STIM1: variants seen among roughly 807,000 people sequenced by gnomAD.
STIM1 encodes stromal interaction molecule 1.
STIM1 carries 25 observed loss-of-function variants against 74.7 expected under a neutral mutation model. That is an observed-to-expected ratio of 0.33 (90% CI 0.24 to 0.47). The LOEUF (loss-of-function observed/expected upper bound fraction) is 0.47, where lower values mean the gene tolerates loss of function less well. STIM1 is among the 20% of genes least tolerant of loss of function. The probability of loss-of-function intolerance (pLI) is 1.00; values close to 1 mark genes in which losing one functional copy is unlikely to be tolerated. For missense variants in STIM1, 728 were observed against 920.8 expected (o/e 0.79, Z 2.71); for synonymous variants, 328 against 348.8 (o/e 0.94, Z 0.66).
chr11:3,862,183 GA>G (rs2090639343), intron 1 of STIM1, among the ~76,000 whole-genome samples: 1 of 152,068 alleles, frequency 6.6e-6, no homozygotes, highest in Admixed American at 6.6e-5. Flanking sequence ...AAATGACTTT[GA>G]AAAAAATTGT....
intron 2 of STIM1, among the ~76,000 whole-genome samples, 153 bp from the exon 3 acceptor site, chr11:4,023,720 G>T (rs990071778): frequency 1.3e-5 from 2 of 152,214 alleles, no homozygotes; most frequent in Non-Finnish European, 2.9e-5. Flanking sequence ...ACTAAGACAT[G>T]TGCATAAGGA....
chr11:3,865,736 C>A (rs1227471236), intron 1 of STIM1, among the ~76,000 whole-genome samples: 1 of 152,130 alleles, frequency 6.6e-6, no homozygotes, highest in East Asian at 1.9e-4. Flanking sequence ...TCAGCTGGCT[C>A]CATTATGGAT....
rs555193679 is a variant in STIM1 at position 3,862,693 on chromosome 11, G to A, written c.139+6284G>A. Among the ~76,000 whole-genome samples the A allele has an allele frequency of 8.2e-4, 125 of 152,010 alleles. 1 individual carries two copies. The highest frequency in any genetic ancestry group is 1.4e-3 in the Non-Finnish European group (98 of 67,970). On this transcript the variant is annotated intron_variant, in intron 1 of 12. Coordinates refer to ENST00000526596, the MANE Select transcript of STIM1 (RefSeq NM_001382567.1). ...GATCTCCTGACCTCGTGATCTGTCC[G>A]CCTTGGCCTCCCAAAGTGTTTGGAT...
intron 1 of STIM1, among the ~76,000 whole-genome samples, chr11:3,908,718 TG>T (rs1186660086): frequency 6.6e-6 from 1 of 152,162 alleles, no homozygotes; most frequent in African/African-American, 2.4e-5. Context: ...TATAGAAAGA[TG>T]GCTTATGGCT....
At chr11:4,018,295 A>AC (rs1485192273) in intron 2 of STIM1, among the ~76,000 whole-genome samples, 1 of 149,910 alleles carries the variant, frequency 6.7e-6, no homozygotes, top group Non-Finnish European at 1.5e-5. Context: ...TAAAAATACA[A>AC]AAAAAAATTA....
At chr11:3,946,756 C>A (rs191450182) in intron 1 of STIM1, among the ~76,000 whole-genome samples, 23 of 152,290 alleles carry the variant, frequency 1.5e-4, no homozygotes, top group Admixed American at 1.2e-3. Context: ...CTACCCACAT[C>A]GCTCCAGGTA....
intron 1 of STIM1, among the ~76,000 whole-genome samples, chr11:3,902,629 G>A (rs958022471): frequency 2.1e-4 from 32 of 152,192 alleles, no homozygotes; most frequent in Non-Finnish European, 3.5e-4. Context: ...CTTGCCTGCC[G>A]CTCACCTCCT....
At chr11:3,970,008 G>A (rs984881628) in intron 2 of STIM1, among the ~76,000 whole-genome samples, 3 of 152,108 alleles carry the variant, frequency 2.0e-5, no homozygotes, top group Admixed American at 6.5e-5. Context: ...CTGGGGAATG[G>A]ATGAAGAAGG....
intron 1 of STIM1, among the ~76,000 whole-genome samples, chr11:3,894,517 T>G (rs1235469622): frequency 6.6e-6 from 1 of 152,154 alleles, no homozygotes; most frequent in Non-Finnish European, 1.5e-5. Flanking sequence ...CTAGACGCTC[T>G]TAGCAGAGCA....
At chr11:3,977,986 C>T (rs1590617938) in intron 2 of STIM1, among the ~76,000 whole-genome samples, 1 of 152,050 alleles carries the variant, frequency 6.6e-6, no homozygotes, top group East Asian at 1.9e-4. Context: ...CAGCAGTGTG[C>T]CTAACTTGAC....
intron 3 of STIM1, among the ~76,000 whole-genome samples, chr11:4,049,049 A>G (rs1276988976): frequency 6.6e-6 from 1 of 152,154 alleles, no homozygotes; most frequent in Non-Finnish European, 1.5e-5. Context: ...ATTATTTTAA[A>G]AGGGTACTTT....
intron 1 of STIM1, among the ~76,000 whole-genome samples, chr11:3,953,852 A>G (rs1388788572): frequency 6.8e-6 from 1 of 147,848 alleles, no homozygotes; most frequent in Non-Finnish European, 1.5e-5. Flanking sequence ...ACATGCTCAC[A>G]GCTCACTGCA....
In STIM1 at chr11:3,856,027, T is replaced by C; in HGVS notation, c.-244T>C. ...CGAAGTCTCCGGAAGCGGCACGAGC[T>C]CAGGCCGCCGCAGCCCCGGCGGACC... On this transcript the variant is annotated 5_prime_UTR_variant, in exon 1 of 13. Coordinates refer to ENST00000526596, the MANE Select transcript of STIM1 (RefSeq NM_001382567.1). 1 of 553,914 alleles carries C rather than the reference T, an allele frequency of 1.8e-6. No homozygotes were observed. The allele number at this position is 553,914 out of a possible 1,614,324, so 34.3% of individuals were successfully genotyped here.
At chr11:3,941,335 A>G (rs1350764093) in intron 1 of STIM1, among the ~76,000 whole-genome samples, 1 of 152,186 alleles carries the variant, frequency 6.6e-6, no homozygotes, top group Admixed American at 6.5e-5. Context: ...GATATTAAAC[A>G]AAACAGATCT....
intron 1 of STIM1, among the ~76,000 whole-genome samples, chr11:3,918,698 G>T (rs889721910): frequency 2.0e-5 from 3 of 152,176 alleles, no homozygotes; most frequent in Admixed American, 2.0e-4. Flanking sequence ...GGCCAACAGA[G>T]TTCCATTCTA....
chr11:4,001,465 A>G (rs1258002351), intron 2 of STIM1, among the ~76,000 whole-genome samples: 2 of 152,192 alleles, frequency 1.3e-5, no homozygotes, highest in Non-Finnish European at 2.9e-5. Context: ...TTCAACCCAG[A>G]ATTTCATATC....
At chr11:3,904,096 C>G (rs1435399207) in intron 1 of STIM1, among the ~76,000 whole-genome samples, 1 of 147,186 alleles carries the variant, frequency 6.8e-6, no homozygotes, top group African/African-American at 2.5e-5. Context: ...AGACAGGAGG[C>G]TGAGGCAGGA....
At chr11:4,033,197 G>T (rs368537698) in intron 3 of STIM1, among the ~76,000 whole-genome samples, 1 of 151,920 alleles carries the variant, frequency 6.6e-6, no homozygotes, top group African/African-American at 2.4e-5. Context: ...TGAGGGCTCT[G>T]TTCTGTTCCA....
intron 2 of STIM1, among the ~76,000 whole-genome samples, chr11:4,018,179 G>C (rs1416770525): frequency 6.6e-6 from 1 of 151,736 alleles, no homozygotes; most frequent in Non-Finnish European, 1.5e-5. Context: ...GCTGGGCGCG[G>C]TGGCTCACGC....
Sources: gnomAD v4.1 joint callset for allele counts (sites outside exome capture counted in the v4.1 genomes callset) on GRCh38, gnomAD v4.1.1 for gene constraint, MANE v1.5 for transcripts, NCBI Gene and HGNC (gene_info 2026-07-23, HGNC 2026-07-21) for gene names.